Variants in GBE1 observed in about 807,000 individuals in gnomAD.
The protein encoded by GBE1 is 1,4-alpha-glucan-branching enzyme.
Under a neutral mutation model 88.8 loss-of-function variants are expected in GBE1, and 70 were observed. The ratio of observed to expected loss-of-function variants is 0.79; its 90% CI spans 0.65 to 0.96. The LOEUF (loss-of-function observed/expected upper bound fraction) is 0.96, where lower values mean the gene tolerates loss of function less well. Ranked by LOEUF, GBE1 falls within the 40% of genes least tolerant of loss-of-function variation. The probability of loss-of-function intolerance (pLI) is 0.00; values close to 1 mark genes in which losing one functional copy is unlikely to be tolerated. For synonymous variants in GBE1, 284 were observed against 300.1 expected (o/e 0.95, Z 0.56); for missense variants, 872 against 871.0 (o/e 1.00, Z -0.01).
At chr3:81,531,277 C>CCTAAAA (rs1272488138) in intron 14 of GBE1, among the ~76,000 whole-genome samples, 4 of 151,928 alleles carry the variant, frequency 2.6e-5, no homozygotes, top group Non-Finnish European at 5.9e-5. Context: ...GGAGCTAAGG[C>CCTAAAA]CTAAAACTGG....
At chr3:81,515,098 C>T (rs1048511414) in intron 14 of GBE1, among the ~76,000 whole-genome samples, 3 of 151,516 alleles carry the variant, frequency 2.0e-5, no homozygotes, top group Admixed American at 6.6e-5. Context: ...GATACTACTG[C>T]ACCAGCATAG....
intron 1 of GBE1, among the ~76,000 whole-genome samples, chr3:81,713,371 G>C (rs1417618131): frequency 6.6e-6 from 1 of 152,192 alleles, no homozygotes; most frequent in East Asian, 1.9e-4. Flanking sequence ...TGTGTAGTCA[G>C]AGCAGGAGAA....
intron 2 of GBE1, among the ~76,000 whole-genome samples, chr3:81,694,957 C>T (rs972447166): frequency 1.3e-5 from 2 of 152,082 alleles, no homozygotes; most frequent in Non-Finnish European, 2.9e-5. Context: ...AGTTCACAGT[C>T]GCCAAGACAA....
At chr3:81,630,084 T>TA (rs1704486370) in intron 7 of GBE1, among the ~76,000 whole-genome samples, 1 of 152,168 alleles carries the variant, frequency 6.6e-6, no homozygotes, top group African/African-American at 2.4e-5. Context: ...CCATGATGTA[T>TA]ATGTGCCACA....
At chr3:81,674,592 T>C (rs1705229077) in intron 2 of GBE1, among the ~76,000 whole-genome samples, 1 of 151,824 alleles carries the variant, frequency 6.6e-6, no homozygotes, top group South Asian at 2.1e-4. Context: ...CAAAATAATA[T>C]AAGCTGGTAG....
At chr3:81,704,635 A>G (rs2594564) in intron 2 of GBE1, among the ~76,000 whole-genome samples, 2,036 of 152,136 alleles carry the variant, frequency 0.013, 34 homozygotes, top group African/African-American at 0.046. Flanking sequence ...ATACCATTCT[A>G]TGGTATTAAA....
At chr3:81,731,440 T>A (rs1444961600) in intron 1 of GBE1, among the ~76,000 whole-genome samples, 1 of 152,192 alleles carries the variant, frequency 6.6e-6, no homozygotes, top group Non-Finnish European at 1.5e-5. Context: ...CACTATGGAT[T>A]CCCTATTACC....
rs1185012082 is a variant in GBE1 at position 81,602,966 on chromosome 3, C to T, written c.993-8943G>A. On this transcript the variant is annotated intron_variant, in intron 7 of 15. Coordinates refer to ENST00000429644, the MANE Select transcript of GBE1 (RefSeq NM_000158.4). ...GGCTGACTCATGCCCCAATTCTTGT[C>T]GTCTTCAGCCCAGACTCTGCTTACT... is the stretch of plus-strand genomic sequence containing the variant. 5.3e-5 allele frequency among the ~76,000 whole-genome samples: 8 copies of T among 152,094 alleles called. 1 individual carries two copies. The highest frequency in any genetic ancestry group is 1.3e-4 in the Admixed American group (2 of 15,262).
intron 7 of GBE1, among the ~76,000 whole-genome samples, chr3:81,640,335 G>A (rs1704654124): frequency 6.6e-6 from 1 of 152,082 alleles, no homozygotes. Flanking sequence ...GCAGAGGAAT[G>A]TGGAAAAACT....
intron 1 of GBE1, among the ~76,000 whole-genome samples, chr3:81,709,410 G>T (rs1298081667): frequency 1.1e-5 from 1 of 90,762 alleles, no homozygotes; most frequent in Non-Finnish European, 2.0e-5. Flanking sequence ...GTAATAACAG[G>T]CAATAAAATG....
chr3:81,557,671 T>C (rs999220999), intron 12 of GBE1, among the ~76,000 whole-genome samples: 3 of 151,960 alleles, frequency 2.0e-5, no homozygotes, highest in African/African-American at 7.2e-5. Context: ...GAATAAAAGG[T>C]TGGATTTTGA....
chr3:81,565,510 G>A (rs1479631264), intron 12 of GBE1, among the ~76,000 whole-genome samples: 2 of 152,184 alleles, frequency 1.3e-5, no homozygotes, highest in African/African-American at 4.8e-5. Context: ...ATCAACAAAT[G>A]CAGACTGACA....
At chr3:81,616,155 ATTTTCTCTGAGTT>A (rs1704245492) in intron 7 of GBE1, among the ~76,000 whole-genome samples, 1 of 152,046 alleles carries the variant, frequency 6.6e-6, no homozygotes. Context: ...CTTTGCAAAC[ATTTTCTCTGAGTT>A]TCTAGCTTGT....
At chr3:81,533,840 C>A (rs1026700754) in intron 14 of GBE1, among the ~76,000 whole-genome samples, 2 of 151,998 alleles carry the variant, frequency 1.3e-5, no homozygotes, top group Non-Finnish European at 2.9e-5. Flanking sequence ...AGGTGGGTGA[C>A]ACTTGGAGTC....
chr3:81,756,936 A>G (rs1012123531), intron 1 of GBE1, among the ~76,000 whole-genome samples: 2 of 152,228 alleles, frequency 1.3e-5, no homozygotes, highest in African/African-American at 4.8e-5. Context: ...AATATTAAAT[A>G]CAGGAAAAGA....
chr3:81,750,565 ATATATATATACGTATATATATACG>A lies in GBE1; in HGVS notation c.143+10786_143+10809del, dbSNP rs1451082677. Reference sequence around the variant, plus strand: ...TATATATATATGTATATATATATGTATATATATATACGTATATATATACGTATATATATATGTGTATATATATAT... The same window carrying A: ...TATATATATATGTATATATATATGTATATATATATATGTGTATATATATAT... On this transcript the variant is annotated intron_variant, in intron 1 of 15. Coordinates refer to ENST00000429644, the MANE Select transcript of GBE1 (RefSeq NM_000158.4). Among the ~76,000 whole-genome samples, 37 of 63,650 alleles carry A rather than the reference ATATATATATACGTATATATATACG, an allele frequency of 5.8e-4. 1 individual carries two copies. The highest frequency in any genetic ancestry group is 3.4e-3 in the African/African-American group (35 of 10,406). 41.8% of individuals were successfully genotyped at this position (63,650 alleles called of 152,430 possible). A position where few individuals can be genotyped will look rare whatever the true frequency, so the allele number is the denominator to read the frequency against.
At chr3:81,582,860 GGGAAAAAATGATAAACTAGCTTCAT>G (rs1403268858) in intron 10 of GBE1, among the ~76,000 whole-genome samples, 23 of 151,842 alleles carry the variant, frequency 1.5e-4, no homozygotes, top group Non-Finnish European at 2.6e-4. Flanking sequence ...ACCTATACAA[GGGAAAAAATGATAAACTAGCTTCAT>G]CAAAATTTTT....
At chr3:81,743,704 C>A (rs2107222787) in intron 1 of GBE1, 1 of 952,926 alleles carries the variant, frequency 1.0e-6, no homozygotes, top group Non-Finnish European at 1.5e-6. Flanking sequence ...TCAAGAAAGA[C>A]CAGATTTACT....
rs548676049 is a variant in GBE1, at chr3:81,574,304, G to A, written c.1618+3621C>T. On this transcript the variant is annotated intron_variant, in intron 12 of 15. Coordinates refer to ENST00000429644, the MANE Select transcript of GBE1 (RefSeq NM_000158.4). ...CTGATAATATTAAAATATAGTAACCGTCAATTTAAATAATAGTTAACTATA... is the reference window on the plus strand; with the variant it reads ...CTGATAATATTAAAATATAGTAACCATCAATTTAAATAATAGTTAACTATA... 8.5e-5 allele frequency among the ~76,000 whole-genome samples: 13 copies of A among 152,140 alleles called. No homozygotes were observed. In the East Asian group the frequency reaches 1.4e-3, roughly 16 times the overall value.
Sources: gnomAD v4.1 joint callset for allele counts (sites outside exome capture counted in the v4.1 genomes callset) on GRCh38, gnomAD v4.1.1 for gene constraint, MANE v1.5 for transcripts, NCBI Gene and HGNC (gene_info 2026-07-23, HGNC 2026-07-21) for gene names.